RTTN: variants seen among roughly 807,000 people sequenced by gnomAD.
RTTN encodes rotatin.
Under a neutral mutation model 269.2 loss-of-function variants are expected in RTTN, and 182 were observed. The ratio of observed to expected loss-of-function variants is 0.68; its 90% confidence interval spans 0.60 to 0.76. The LOEUF is 0.76. Among genes scored for constraint, RTTN ranks in the 30% least tolerant of loss-of-function variants. RTTN has a pLI of 0.00. For missense variants in RTTN, 2,545 were observed against 2,608.6 expected, an observed-to-expected ratio of 0.98 and a Z score of 0.53; for synonymous variants, 1,006 against 963.5, an observed-to-expected ratio of 1.04 and a Z score of -0.82.
At chr18:70,087,925 G>A in intron 31 of RTTN, 64 bp downstream of exon 31, 1 of 1,538,398 alleles carries the variant, frequency 6.5e-7, no homozygotes, top group Non-Finnish European at 8.9e-7. Flanking sequence ...CGGCAGTCAA[G>A]TATCGCTTAC....
intron 32 of RTTN, among the ~76,000 whole-genome samples, chr18:70,078,228 C>G (rs2058477533): frequency 6.6e-6 from 1 of 151,948 alleles, no homozygotes; most frequent in African/African-American, 2.4e-5. Context: ...ATCAGTAGCA[C>G]TGGATGCTAG....
chr18:70,202,795 G>C (rs1267996329), intron 3 of RTTN, among the ~76,000 whole-genome samples: 2 of 152,094 alleles, frequency 1.3e-5, no homozygotes, highest in African/African-American at 4.8e-5. Context: ...TCAGTCAAAA[G>C]GCTGCTTTAA....
At chr18:70,088,208 T>TA in intron 30 of RTTN, 61 bp from the exon 31 acceptor site, 1 of 1,464,890 alleles carries the variant, frequency 6.8e-7, no homozygotes, top group South Asian at 1.3e-5. Context: ...CATGAATTCT[T>TA]AGTTTTTCTG....
intron 39 of RTTN, among the ~76,000 whole-genome samples, chr18:70,049,403 T>C (rs895704530): frequency 6.6e-6 from 1 of 152,202 alleles, no homozygotes; most frequent in African/African-American, 2.4e-5. Flanking sequence ...AATTATTATA[T>C]TTTAAACAAA....
At chr18:70,047,888 GAC>G in intron 40 of RTTN, 81 bp downstream of exon 40, 7 of 1,034,162 alleles carry the variant, frequency 6.8e-6, no homozygotes, top group Non-Finnish European at 1.0e-5. Flanking sequence ...AAATGACTGA[GAC>G]AGTTTTTAAC....
intron 22 of RTTN, among the ~76,000 whole-genome samples, chr18:70,134,847 G>A (rs1025906539): frequency 6.6e-5 from 10 of 151,960 alleles, no homozygotes; most frequent in Middle Eastern, 6.8e-3. Context: ...ATATACTATC[G>A]TCCTAAATAT....
intron 40 of RTTN, among the ~76,000 whole-genome samples, chr18:70,041,963 G>A (rs780207280): frequency 3.3e-5 from 5 of 151,998 alleles, no homozygotes; most frequent in Non-Finnish European, 7.4e-5. Context: ...CAATTGACAA[G>A]TTGCACTCAT....
At chr18:70,151,015 C>T (rs554861262) in intron 14 of RTTN, among the ~76,000 whole-genome samples, 1 of 151,648 alleles carries the variant, frequency 6.6e-6, no homozygotes, top group Non-Finnish European at 1.5e-5. Flanking sequence ...ATGACAGACA[C>T]AAAGGACATA....
chr18:70,195,669 G>A (rs2061788336), intron 7 of RTTN, among the ~76,000 whole-genome samples: 1 of 152,136 alleles, frequency 6.6e-6, no homozygotes. Flanking sequence ...AGAATATCAG[G>A]GGCATAAAAC....
chr18:70,163,595 T>C lies in RTTN; in HGVS notation c.1929+2467A>G, dbSNP rs188113625. On this transcript the variant is annotated intron_variant, in intron 14 of 48. Coordinates refer to ENST00000640769, the MANE Select transcript of RTTN (RefSeq NM_173630.4). ...AAGATGGAAACAACCCAAATGCCTA[T>C]CAACGGATGAATAAACAAAATGTAG... Among the ~76,000 whole-genome samples, 218 of 152,288 alleles carry C rather than the reference T, an allele frequency of 1.4e-3. 1 individual carries two copies. The highest frequency in any genetic ancestry group is 3.4e-3 in the Middle Eastern group (1 of 292).
intron 43 of RTTN, among the ~76,000 whole-genome samples, chr18:70,026,838 T>G (rs2056867597): frequency 6.6e-6 from 1 of 152,170 alleles, no homozygotes; most frequent in Non-Finnish European, 1.5e-5. Flanking sequence ...TATCCCCAGC[T>G]TGTATCACTC....
intron 46 of RTTN, among the ~76,000 whole-genome samples, chr18:70,013,925 T>C (rs766852944): frequency 2.6e-5 from 4 of 152,226 alleles, no homozygotes; most frequent in Non-Finnish European, 5.9e-5. Context: ...CTTTTGATCC[T>C]TTCTCATCTT....
At chr18:70,007,208 A>AG (rs1409990706) in intron 46 of RTTN, 1 of 152,376 alleles carries the variant, frequency 6.6e-6, no homozygotes, top group Non-Finnish European at 1.5e-5. Flanking sequence ...CTGTGCCCTG[A>AG]GGAACGGTGC....
intron 21 of RTTN, among the ~76,000 whole-genome samples, chr18:70,137,168 G>GTATA (rs1032370618): frequency 1.2e-4 from 19 of 152,166 alleles, no homozygotes; most frequent in African/African-American, 3.6e-4. Flanking sequence ...CAATGGGGAT[G>GTATA]TATAGGTCTG....
chr18:70,053,427 A>G (rs2057731454), intron 38 of RTTN: 1 of 152,202 alleles, frequency 6.6e-6, no homozygotes, highest in Non-Finnish European at 1.5e-5. Flanking sequence ...AGGAATTACT[A>G]TTCCTTTAAC....
chr18:70,201,816 A>ACAATAT (rs1481106089), intron 4 of RTTN, 78 bp downstream of exon 4: 12 of 833,066 alleles, frequency 1.4e-5, no homozygotes, highest in Non-Finnish European at 2.0e-5. Flanking sequence ...GTAAAAATAC[A>ACAATAT]TCTTCACAAT....
At chr18:70,112,657 A>T (rs2059502661) in intron 27 of RTTN, among the ~76,000 whole-genome samples, 1 of 152,170 alleles carries the variant, frequency 6.6e-6, no homozygotes, top group Non-Finnish European at 1.5e-5. Context: ...GAGCACCCAG[A>T]TTCATAAAGC....
intron 23 of RTTN, 151 bp from the exon 24 acceptor site, chr18:70,128,697 T>A: frequency 3.2e-6 from 2 of 619,298 alleles, no homozygotes; most frequent in Admixed American, 2.9e-5. Context: ...ATTATCATAA[T>A]TTATACAGTA....
At chr18:70,034,742 A>G (rs2057119965) in intron 40 of RTTN, among the ~76,000 whole-genome samples, 1 of 152,208 alleles carries the variant, frequency 6.6e-6, no homozygotes, top group Non-Finnish European at 1.5e-5. Flanking sequence ...ATAGGAAGAG[A>G]GGAAGTCAAA....
Sources: allele counts gnomAD v4.1 joint callset (sites outside exome capture counted in the v4.1 genomes callset), GRCh38; gene constraint gnomAD v4.1.1; transcripts MANE v1.5; gene names NCBI Gene and HGNC (gene_info 2026-07-23, HGNC 2026-07-21).